The following SHANK2 variants were observed in gnomAD, a reference collection of about 807,000 sequenced individuals.
SHANK2 encodes SH3 and multiple ankyrin repeat domains protein 2.
A neutral mutation model predicts 133.7 loss-of-function variants in SHANK2; 43 were observed. The ratio of observed to expected loss-of-function variants is 0.32; its 90% CI spans 0.25 to 0.41. SHANK2 has a LOEUF of 0.41. Ranked by LOEUF, SHANK2 falls within the 10% of genes least tolerant of loss-of-function variation. The probability of loss-of-function intolerance (pLI) is 1.00; values close to 1 mark genes in which losing one functional copy is unlikely to be tolerated. For synonymous variants in SHANK2, 1,017 were observed against 952.8 expected (o/e 1.07, Z -1.24); for missense variants, 1,994 against 2,235.8 (o/e 0.89, Z 2.18).
chr11:70,617,656 C>T (rs921246601), intron 17 of SHANK2, among the ~76,000 whole-genome samples: 9 of 152,066 alleles, frequency 5.9e-5, no homozygotes, highest in Admixed American at 2.6e-4. Flanking sequence ...AGAAGGTGGC[C>T]GGAATGAGGG....
intron 15 of SHANK2, among the ~76,000 whole-genome samples, chr11:70,686,055 C>T (rs1337533914): frequency 1.4e-5 from 2 of 146,058 alleles, no homozygotes; most frequent in African/African-American, 5.1e-5. Flanking sequence ...ATCCACACAC[C>T]CATCCAGCTC....
At chr11:71,237,925 G>C (rs1591045461) in intron 1 of SHANK2, among the ~76,000 whole-genome samples, 1 of 152,232 alleles carries the variant, frequency 6.6e-6, no homozygotes, top group Admixed American at 6.5e-5. Flanking sequence ...GGGTGTGGTA[G>C]AGCAGCCCAG....
rs188774201 is a variant in SHANK2, at chr11:70,915,789, G to A, written c.1108-19222C>T. Among the ~76,000 whole-genome samples, 20 of 152,358 alleles carry A rather than the reference G, an allele frequency of 1.3e-4. No homozygotes were observed. In the East Asian group the frequency reaches 3.7e-3, roughly 28 times the overall value. On this transcript the variant is annotated intron_variant, in intron 10 of 25. Transcript: ENST00000601538. ...TTGAGGCTTGCTTAAGCTTGCCAAGGAGAAAGATGCGTTGCTCAGTCATAA... is the reference window on the plus strand; with the variant it reads ...TTGAGGCTTGCTTAAGCTTGCCAAGAAGAAAGATGCGTTGCTCAGTCATAA...
chr11:70,762,348 G>A (rs1353888377), intron 14 of SHANK2, among the ~76,000 whole-genome samples: 1 of 152,168 alleles, frequency 6.6e-6, no homozygotes, highest in Non-Finnish European at 1.5e-5. Context: ...GGTGGGTACT[G>A]TCAGGCTGTC....
chr11:71,122,521 A>T (rs73521178), intron 3 of SHANK2, among the ~76,000 whole-genome samples: 9,314 of 152,160 alleles, frequency 0.061, 867 homozygotes, highest in African/African-American at 0.21. Context: ...GGGGGAGGGA[A>T]AGCATTACGA....
chr11:71,218,072 G>A (rs782391350), intron 2 of SHANK2, among the ~76,000 whole-genome samples: 3 of 151,818 alleles, frequency 2.0e-5, no homozygotes, highest in Admixed American at 6.6e-5. Context: ...GGATGGTCTC[G>A]ATCTCCTTAC....
intron 14 of SHANK2, among the ~76,000 whole-genome samples, chr11:70,736,458 G>C (rs188322186): frequency 6.6e-6 from 1 of 152,130 alleles, no homozygotes; most frequent in Non-Finnish European, 1.5e-5. Flanking sequence ...CCAATGATAC[G>C]TGTTCTTCTG....
intron 17 of SHANK2, among the ~76,000 whole-genome samples, chr11:70,547,264 T>C (rs538481362): frequency 1.3e-5 from 2 of 152,346 alleles, no homozygotes; most frequent in East Asian, 3.9e-4. Context: ...CTGTATTTAT[T>C]AACAACTTTT....
Position 70,950,437 on chromosome 11 carries a change from C to T in SHANK2, c.1108-53870G>A, listed in dbSNP as rs192171810. Among the ~76,000 whole-genome samples the T allele has an allele frequency of 4.3e-3, 656 of 151,974 alleles. 1 individual carries two copies. Among genetic ancestry groups the T allele is most frequent in the Non-Finnish European group, 6.5e-3 (444 of 67,938 alleles). The stretch of plus-strand genomic sequence containing the variant: ...AACTCCTGACCTCAGGTGATCCGCC[C>T]GCTTCAGCCCCCCAAAGTGCTGGGA... On this transcript the variant is annotated intron_variant, in intron 10 of 25. Transcript: ENST00000601538.
At chr11:71,206,129 A>G (rs564012504) in intron 2 of SHANK2, among the ~76,000 whole-genome samples, 1 of 152,290 alleles carries the variant, frequency 6.6e-6, no homozygotes, top group African/African-American at 2.4e-5. Context: ...CACTCTGCAA[A>G]GTACACATCT....
chr11:71,167,103 G>A lies in SHANK2; in HGVS notation c.-12-19765C>T, dbSNP rs1174985617. Among the ~76,000 whole-genome samples the A allele has an allele frequency of 4.2e-4, 64 of 151,944 alleles. 1 individual carries two copies. Among genetic ancestry groups the A allele is most frequent in the Non-Finnish European group, 7.1e-4 (48 of 67,938 alleles). On this transcript the variant is annotated intron_variant, in intron 2 of 25. Coordinates refer to ENST00000601538, the MANE Select transcript of SHANK2 (RefSeq NM_012309.5). The stretch of plus-strand genomic sequence containing the variant: ...CATGTTTCAGATAGCACAGGGTTGG[G>A]GGTAAGGTCACAGATCAACAGGATC...
intron 11 of SHANK2, among the ~76,000 whole-genome samples, chr11:70,836,526 C>T (rs1370329803): frequency 6.6e-6 from 1 of 152,204 alleles, no homozygotes; most frequent in Non-Finnish European, 1.5e-5. Context: ...CTACATCGTT[C>T]CTGTTGCTCC....
intron 14 of SHANK2, among the ~76,000 whole-genome samples, chr11:70,756,576 C>G (rs1373723303): frequency 6.6e-6 from 1 of 152,168 alleles, no homozygotes; most frequent in Admixed American, 6.5e-5. Flanking sequence ...ACTAGTCTCA[C>G]AACCCCTGCT....
intron 17 of SHANK2, among the ~76,000 whole-genome samples, chr11:70,587,146 C>G (rs782656226): frequency 1.3e-5 from 2 of 152,186 alleles, no homozygotes; most frequent in Non-Finnish European, 2.9e-5. Context: ...AGGGTTGTTG[C>G]GTCACTTCCA....
intron 10 of SHANK2, among the ~76,000 whole-genome samples, chr11:70,936,254 G>A (rs782336272): frequency 1.3e-4 from 20 of 152,232 alleles, no homozygotes; most frequent in Non-Finnish European, 2.1e-4. Context: ...GCTCACGCCT[G>A]TAATCCCAGC....
chr11:70,573,557 G>T lies in SHANK2; in HGVS notation c.2062-70626C>A, dbSNP rs113797923. 2.4e-3 allele frequency among the ~76,000 whole-genome samples: 320 copies of T among 132,108 alleles called. 1 individual carries two copies. The highest frequency in any genetic ancestry group is 8.1e-3 in the African/African-American group (294 of 36,186). 86.7% of individuals were successfully genotyped at this position (132,108 alleles called of 152,430 possible). A position where few individuals can be genotyped will look rare whatever the true frequency, so the allele number is the denominator to read the frequency against. On this transcript the variant is annotated intron_variant, in intron 17 of 25. Coordinates refer to ENST00000601538, the MANE Select transcript of SHANK2 (RefSeq NM_012309.5). ...GTCTGTGTGTGTGGGGGCGGGGGGG[G>T]GGTGGGGCATGGCATTTGATATAAA... is the stretch of plus-strand genomic sequence containing the variant.
chr11:70,816,530 C>A (rs2135323096), intron 12 of SHANK2, among the ~76,000 whole-genome samples: 1 of 152,326 alleles, frequency 6.6e-6, no homozygotes, highest in East Asian at 1.9e-4. Flanking sequence ...GAGCTAGCAG[C>A]CTCCCTGAAA....
chr11:70,907,864 G>A (rs1555078248), intron 10 of SHANK2: 4 of 454,398 alleles, frequency 8.8e-6, no homozygotes, highest in South Asian at 6.2e-5. Flanking sequence ...CAATTTCGGA[G>A]GTAGAGGCAG....
At chr11:70,615,484 T>C (rs2060726446) in intron 17 of SHANK2, among the ~76,000 whole-genome samples, 1 of 152,136 alleles carries the variant, frequency 6.6e-6, no homozygotes, top group Admixed American at 6.5e-5. Flanking sequence ...AAAAGTCATA[T>C]GGCCCCGGGG....
Sources: allele counts gnomAD v4.1 joint callset (sites outside exome capture counted in the v4.1 genomes callset), GRCh38; gene constraint gnomAD v4.1.1; transcripts MANE v1.5; gene names NCBI Gene and HGNC (gene_info 2026-07-23, HGNC 2026-07-21).